LRRIQ1: variants seen among roughly 807,000 people sequenced by gnomAD.
LRRIQ1 encodes the protein leucine-rich repeat- and IQ domain-containing protein 1.
In LRRIQ1, 210 loss-of-function variants were observed where a neutral mutation model predicts 211.9. The observed-to-expected ratio is 0.99, with a 90% CI of 0.89 to 1.11. The LOEUF (loss-of-function observed/expected upper bound fraction) is 1.11. LRRIQ1 is among the 50% of genes most tolerant of loss of function. The pLI is 0.00. For missense variants in LRRIQ1, 2,136 were observed against 1,939.5 expected (o/e 1.10, Z -1.90); for synonymous variants, 699 against 650.1 (o/e 1.08, Z -1.14).
intron 18 of LRRIQ1, among the ~76,000 whole-genome samples, chr12:85,129,072 C>A (rs972093874): frequency 2.6e-5 from 4 of 152,196 alleles, no homozygotes; most frequent in Non-Finnish European, 5.9e-5. Flanking sequence ...CTTCTCTCAA[C>A]TCTTAGATAC....
intron 24 of LRRIQ1, 22 bp downstream of exon 24, chr12:85,160,736 A>C: frequency 1.6e-6 from 2 of 1,284,578 alleles, no homozygotes; most frequent in South Asian, 3.0e-5. Flanking sequence ...TAACAGATAC[A>C]TAGAGAGGTA....
chr12:85,210,871 AAT>A (rs1893805751), intron 24 of LRRIQ1, among the ~76,000 whole-genome samples: 1 of 152,204 alleles, frequency 6.6e-6, no homozygotes, highest in South Asian at 2.1e-4. Context: ...CTATAAAGAT[AAT>A]GTTTTCCTCT....
At chr12:85,055,500 C>T in intron 7 of LRRIQ1, 47 bp from the exon 8 acceptor site, 1 of 1,320,802 alleles carries the variant, frequency 7.6e-7, no homozygotes, top group Non-Finnish European at 9.8e-7. Flanking sequence ...TTAGTAACAT[C>T]TCATGTTTAG....
At chr12:85,192,830 A>G (rs1366390509) in intron 24 of LRRIQ1, among the ~76,000 whole-genome samples, 7 of 105,108 alleles carry the variant, frequency 6.7e-5, no homozygotes, top group African/African-American at 2.7e-4. Context: ...ATATATAGTT[A>G]TATACTATAA....
chr12:85,178,819 C>T (rs987715478), intron 24 of LRRIQ1, among the ~76,000 whole-genome samples: 3 of 151,114 alleles, frequency 2.0e-5, no homozygotes, highest in Non-Finnish European at 4.4e-5. Context: ...ACTGATACAG[C>T]AAATATTTAG....
downstream of LRRIQ1, among the ~76,000 whole-genome samples, chr12:85,266,416 A>G (rs979849800): frequency 1.3e-5 from 2 of 152,152 alleles, no homozygotes; most frequent in African/African-American, 4.8e-5. Flanking sequence ...TGCATTTATA[A>G]CTTCCAAGAA....
At chr12:85,132,427 G>T (rs1888833705) in intron 18 of LRRIQ1, among the ~76,000 whole-genome samples, 1 of 152,008 alleles carries the variant, frequency 6.6e-6, no homozygotes, top group Non-Finnish European at 1.5e-5. Context: ...TAGGGAGAAG[G>T]CGTTCTGAAA....
At chr12:85,182,145 T>C (rs779237166) in intron 24 of LRRIQ1, among the ~76,000 whole-genome samples, 1 of 152,048 alleles carries the variant, frequency 6.6e-6, no homozygotes, top group Non-Finnish European at 1.5e-5. Context: ...AAAAAGTCAA[T>C]GAAAATCTTC....
At chr12:85,063,125 AT>A (rs993219577) in intron 8 of LRRIQ1, among the ~76,000 whole-genome samples, 2 of 150,840 alleles carry the variant, frequency 1.3e-5, no homozygotes, top group African/African-American at 4.9e-5. Flanking sequence ...TAGTCTACAG[AT>A]TTTTTTTCCC....
chr12:85,179,671 A>G (rs557676617), intron 24 of LRRIQ1, among the ~76,000 whole-genome samples: 5 of 152,042 alleles, frequency 3.3e-5, no homozygotes, highest in East Asian at 1.9e-4. Context: ...AAAATGTCCT[A>G]TTCTACAAAC....
intron 11 of LRRIQ1, among the ~76,000 whole-genome samples, chr12:85,083,620 A>G (rs1287866675): frequency 1.3e-5 from 2 of 151,950 alleles, no homozygotes; most frequent in Non-Finnish European, 2.9e-5. Context: ...TTGTATTTTC[A>G]GTAGGGACGG....
intron 26 of LRRIQ1, among the ~76,000 whole-genome samples, chr12:85,237,213 T>C (rs1372168814): frequency 6.6e-6 from 1 of 152,004 alleles, no homozygotes; most frequent in Non-Finnish European, 1.5e-5. Context: ...AAACAACTAT[T>C]TTATAAGTTG....
chr12:85,147,205 A>G (rs879415563), intron 19 of LRRIQ1, among the ~76,000 whole-genome samples: 16 of 151,972 alleles, frequency 1.1e-4, no homozygotes, highest in Non-Finnish European at 1.9e-4. Context: ...CCTAAAAGAT[A>G]TTAACAGTGG....
At chr12:85,038,085 A>G (rs991437735) in intron 1 of LRRIQ1, 68 bp from the exon 2 acceptor site, 1 of 1,044,780 alleles carries the variant, frequency 9.6e-7, no homozygotes, top group Non-Finnish European at 1.3e-6. Flanking sequence ...AATATGTTGG[A>G]TTGGTATGAC....
intron 11 of LRRIQ1, among the ~76,000 whole-genome samples, chr12:85,091,563 A>G (rs1283832232): frequency 6.6e-6 from 1 of 152,144 alleles, no homozygotes; most frequent in Non-Finnish European, 1.5e-5. Context: ...GGACTTAGTC[A>G]TAAATTTTTT....
At chr12:85,210,788 G>A (rs1162118862) in intron 24 of LRRIQ1, among the ~76,000 whole-genome samples, 1 of 150,398 alleles carries the variant, frequency 6.6e-6, no homozygotes, top group Non-Finnish European at 1.5e-5. Flanking sequence ...GTTTGTTTGT[G>A]TACTGAACAA....
At chr12:85,069,046 C>T (rs912638059) in intron 10 of LRRIQ1, among the ~76,000 whole-genome samples, 3 of 151,260 alleles carry the variant, frequency 2.0e-5, no homozygotes, top group Admixed American at 6.6e-5. Context: ...CCCATTAACT[C>T]GTCATTTAGC....
intron 8 of LRRIQ1, among the ~76,000 whole-genome samples, chr12:85,063,141 T>C (rs906676635): frequency 5.9e-5 from 9 of 151,814 alleles, no homozygotes; most frequent in African/African-American, 1.9e-4. Context: ...TTTCCCATTC[T>C]GTAGGTTGTC....
At chr12:85,130,990 A>T (rs1464435503) in intron 18 of LRRIQ1, among the ~76,000 whole-genome samples, 2 of 151,708 alleles carry the variant, frequency 1.3e-5, no homozygotes, top group Non-Finnish European at 2.9e-5. Flanking sequence ...TGGGTGGATC[A>T]CTTGAGGTCC....
Sources: allele counts gnomAD v4.1 joint callset (sites outside exome capture counted in the v4.1 genomes callset), GRCh38; gene constraint gnomAD v4.1.1; transcripts MANE v1.5; gene names NCBI Gene and HGNC (gene_info 2026-07-23, HGNC 2026-07-21).